ANKRD31: variants seen among roughly 807,000 people sequenced by gnomAD.
ANKRD31 encodes the protein ankyrin repeat domain 31.
In ANKRD31, 147 loss-of-function variants were observed where a neutral mutation model predicts 186.0. The observed-to-expected ratio is 0.79, with a 90% CI of 0.69 to 0.91. The LOEUF (loss-of-function observed/expected upper bound fraction) is 0.91, where lower values mean the gene tolerates loss of function less well. ANKRD31 is among the 40% of genes least tolerant of loss of function. The pLI is 0.00. For synonymous variants in ANKRD31, 673 were observed against 736.4 expected, an observed-to-expected ratio of 0.91 and a Z score of 1.39; for missense variants, 1,986 against 2,148.8, an observed-to-expected ratio of 0.92 and a Z score of 1.50.
At chr5:75,151,308 T>C (rs912706223) in intron 12 of ANKRD31, among the ~76,000 whole-genome samples, 8 of 151,958 alleles carry the variant, frequency 5.3e-5, no homozygotes, top group African/African-American at 1.9e-4. Flanking sequence ...GGGAAGGAGA[T>C]TGATATGGTT....
At chr5:75,215,227 C>A (rs1317063274) in intron 3 of ANKRD31, among the ~76,000 whole-genome samples, 22 of 152,144 alleles carry the variant, frequency 1.4e-4, no homozygotes. Flanking sequence ...CTATTCAGGT[C>A]TTCAACTGAT....
intron 9 of ANKRD31, among the ~76,000 whole-genome samples, chr5:75,189,793 T>C (rs903858427): frequency 6.6e-6 from 1 of 152,164 alleles, no homozygotes; most frequent in East Asian, 1.9e-4. Flanking sequence ...CTGAGAATTT[T>C]CACCAGGAAC....
chr5:75,203,216 G>A (rs968313949), intron 5 of ANKRD31, among the ~76,000 whole-genome samples: 2 of 152,210 alleles, frequency 1.3e-5, no homozygotes, highest in African/African-American at 4.8e-5. Flanking sequence ...AGGCATTAAT[G>A]GCTGGCACTC....
chr5:75,186,507 C>T (rs1245430115), intron 10 of ANKRD31, among the ~76,000 whole-genome samples: 1 of 152,142 alleles, frequency 6.6e-6, no homozygotes, highest in African/African-American at 2.4e-5. Flanking sequence ...CTGGGCCAAC[C>T]TTTCTTTTTC....
At chr5:75,122,621 C>T (rs181167221) in intron 17 of ANKRD31, among the ~76,000 whole-genome samples, 13 of 152,122 alleles carry the variant, frequency 8.5e-5, no homozygotes, top group African/African-American at 2.9e-4. Context: ...GCAAGGATGG[C>T]TCAACATATA....
chr5:75,121,544 A>G (rs1262803478), intron 17 of ANKRD31, among the ~76,000 whole-genome samples: 3 of 152,150 alleles, frequency 2.0e-5, no homozygotes, highest in African/African-American at 7.2e-5. Context: ...TCCCAAATAG[A>G]CCATATGTTA....
At chr5:75,149,012 A>G (rs1751678254) in intron 12 of ANKRD31, among the ~76,000 whole-genome samples, 1 of 151,922 alleles carries the variant, frequency 6.6e-6, no homozygotes, top group Non-Finnish European at 1.5e-5. Context: ...TTAGATTATC[A>G]TCTCCTAATA....
chr5:75,118,344 A>C, intron 17 of ANKRD31, 47 bp from the exon 18 acceptor site: 1 of 1,334,180 alleles, frequency 7.5e-7, no homozygotes. Flanking sequence ...CCAAAGATGA[A>C]TAATTTCTGT....
At chr5:75,173,774 C>T (rs1753548166) in intron 10 of ANKRD31, among the ~76,000 whole-genome samples, 1 of 152,010 alleles carries the variant, frequency 6.6e-6, no homozygotes, top group Non-Finnish European at 1.5e-5. Context: ...ATGGATACGA[C>T]AAATCAATAT....
At chr5:75,225,172 T>G (rs1456898620) in intron 2 of ANKRD31, among the ~76,000 whole-genome samples, 1 of 152,166 alleles carries the variant, frequency 6.6e-6, no homozygotes, top group Non-Finnish European at 1.5e-5. Context: ...AGATAGTTAT[T>G]CTAAGGAAAA....
At chr5:75,150,560 CT>C (rs1355741662) in intron 12 of ANKRD31, among the ~76,000 whole-genome samples, 1 of 151,916 alleles carries the variant, frequency 6.6e-6, no homozygotes, top group Non-Finnish European at 1.5e-5. Flanking sequence ...CACAACCCAT[CT>C]TAGTAAATTC....
intron 22 of ANKRD31, among the ~76,000 whole-genome samples, chr5:75,093,436 T>A (rs1356814191): frequency 1.3e-5 from 2 of 151,830 alleles, no homozygotes; most frequent in African/African-American, 4.8e-5. Context: ...GAACTGAGAT[T>A]GCACCACTGC....
intron 17 of ANKRD31, among the ~76,000 whole-genome samples, chr5:75,130,745 C>T (rs1263785982): frequency 3.9e-5 from 6 of 152,230 alleles, no homozygotes; most frequent in Non-Finnish European, 8.8e-5. Context: ...TCCGGGTCCC[C>T]ACCCAATTAG....
chr5:75,165,771 CA>C, intron 11 of ANKRD31, among the ~76,000 whole-genome samples: 1 of 151,998 alleles, frequency 6.6e-6, no homozygotes, highest in Non-Finnish European at 1.5e-5. Context: ...CCACTTTTTT[CA>C]ACAAATAGGA....
chr5:75,198,019 A>C (rs1049699987), intron 6 of ANKRD31, among the ~76,000 whole-genome samples: 1 of 152,204 alleles, frequency 6.6e-6, no homozygotes, highest in African/African-American at 2.4e-5. Flanking sequence ...TCCTGAACCA[A>C]GAAGACTGAG....
intron 15 of ANKRD31, among the ~76,000 whole-genome samples, chr5:75,142,074 CTATTAA>C (rs1397280204): frequency 2.6e-5 from 4 of 152,118 alleles, no homozygotes; most frequent in African/African-American, 9.7e-5. Flanking sequence ...TCTGATGTTA[CTATTAA>C]TAAGTATAAT....
chr5:75,110,003 A>C (rs1747639847), intron 20 of ANKRD31, among the ~76,000 whole-genome samples: 1 of 152,166 alleles, frequency 6.6e-6, no homozygotes, highest in Admixed American at 6.5e-5. Flanking sequence ...TGGCAGAGCC[A>C]ACCACAGTCA....
intron 17 of ANKRD31, among the ~76,000 whole-genome samples, chr5:75,124,166 C>A (rs780746818): frequency 6.6e-6 from 1 of 152,042 alleles, no homozygotes; most frequent in African/African-American, 2.4e-5. Flanking sequence ...CCACGAATGA[C>A]CAACAAGCAT....
chr5:75,114,527 C>G (rs191594487), intron 19 of ANKRD31, among the ~76,000 whole-genome samples: 156 of 152,156 alleles, frequency 1.0e-3, no homozygotes, highest in African/African-American at 3.7e-3. Context: ...TGCTTATCAG[C>G]TTAAGGAGAT....
Sources: allele counts gnomAD v4.1 joint callset (sites outside exome capture counted in the v4.1 genomes callset), GRCh38; gene constraint gnomAD v4.1.1; transcripts MANE v1.5; gene names NCBI Gene and HGNC (gene_info 2026-07-23, HGNC 2026-07-21).